Variants in PPP4R4 observed in about 807,000 individuals in gnomAD.
PPP4R4 encodes the protein serine/threonine-protein phosphatase 4 regulatory subunit 4.
A neutral mutation model predicts 121.8 loss-of-function variants in PPP4R4; 70 were observed. That is an observed-to-expected ratio of 0.57 (90% CI 0.47 to 0.70). The LOEUF (loss-of-function observed/expected upper bound fraction) is 0.70. Ranked by LOEUF, PPP4R4 falls within the 30% of genes least tolerant of loss-of-function variation. PPP4R4 has a pLI of 0.00. For synonymous variants in PPP4R4, 348 were observed against 355.7 expected, an observed-to-expected ratio of 0.98 and a Z score of 0.24; for missense variants, 875 against 1,033.6, an observed-to-expected ratio of 0.85 and a Z score of 2.10.
intron 16 of PPP4R4, among the ~76,000 whole-genome samples, chr14:94,255,821 A>T (rs1210250855): frequency 4.6e-5 from 7 of 152,060 alleles, no homozygotes; most frequent in Non-Finnish European, 8.8e-5. Flanking sequence ...TCTGCTGAAA[A>T]CCTACCAATG....
intron 23 of PPP4R4, among the ~76,000 whole-genome samples, chr14:94,268,865 A>C (rs1223389164): frequency 6.6e-6 from 1 of 152,194 alleles, no homozygotes; most frequent in African/African-American, 2.4e-5. Context: ...GGGTTATTAC[A>C]GTTCAAGGTG....
At chr14:94,241,344 G>T (rs1892624546) in intron 9 of PPP4R4, among the ~76,000 whole-genome samples, 1 of 151,954 alleles carries the variant, frequency 6.6e-6, no homozygotes, top group Admixed American at 6.6e-5. Flanking sequence ...AAAATATTTT[G>T]AATTTATTTG....
intron 13 of PPP4R4, 57 bp downstream of exon 13, chr14:94,245,727 G>A (rs1339507562): frequency 3.8e-6 from 5 of 1,302,484 alleles, no homozygotes; most frequent in Admixed American, 4.1e-5. Context: ...CTACTCTACA[G>A]GGTGTTTTGA....
chr14:94,211,617 A>G (rs1890744727), intron 3 of PPP4R4, among the ~76,000 whole-genome samples: 1 of 152,068 alleles, frequency 6.6e-6, no homozygotes, highest in Non-Finnish European at 1.5e-5. Flanking sequence ...TAGGACAGTG[A>G]AAAGTCGTTG....
chr14:94,209,503 A>G (rs1890630502), intron 3 of PPP4R4, among the ~76,000 whole-genome samples: 1 of 152,124 alleles, frequency 6.6e-6, no homozygotes, highest in Non-Finnish European at 1.5e-5. Flanking sequence ...ATGCCCACCT[A>G]TGCAGGCACT....
chr14:94,229,845 TTCTCTC>T (rs558092469), intron 3 of PPP4R4, among the ~76,000 whole-genome samples: 3 of 152,130 alleles, frequency 2.0e-5, no homozygotes, highest in African/African-American at 7.2e-5. Context: ...CACACACACT[TTCTCTC>T]TCTATCTCTC....
intron 3 of PPP4R4, among the ~76,000 whole-genome samples, chr14:94,219,510 G>A (rs370819186): frequency 6.6e-5 from 10 of 152,128 alleles, no homozygotes; most frequent in Admixed American, 5.2e-4. Flanking sequence ...AAATAGAGGA[G>A]GAGGTAAGAA....
chr14:94,278,052 A>G (rs1444653583), intron 24 of PPP4R4, among the ~76,000 whole-genome samples: 1 of 152,210 alleles, frequency 6.6e-6, no homozygotes, highest in African/African-American at 2.4e-5. Flanking sequence ...TCTGTGAAAT[A>G]GTATCCACAA....
At chr14:94,263,085 A>G (rs959011411) in intron 19 of PPP4R4, among the ~76,000 whole-genome samples, 2 of 152,050 alleles carry the variant, frequency 1.3e-5, no homozygotes, top group Non-Finnish European at 2.9e-5. Context: ...CTTTTGATGC[A>G]TCTAGGCATT....
intron 3 of PPP4R4, among the ~76,000 whole-genome samples, chr14:94,226,815 C>T (rs1956167): frequency 0.13 from 19,274 of 152,090 alleles, 1,360 homozygotes; most frequent in Admixed American, 0.21. Context: ...TTTACTAGCA[C>T]TATTCATGAT....
At chr14:94,265,934 T>G (rs767300131) in intron 22 of PPP4R4, 47 bp downstream of exon 22, 1 of 1,233,672 alleles carries the variant, frequency 8.1e-7, no homozygotes, top group Non-Finnish European at 1.1e-6. Flanking sequence ...TTTATCTTTA[T>G]TCACATCTTC....
Position 94,216,298 on chromosome 14 carries a change from A to C in PPP4R4, c.294+7732A>C, listed in dbSNP as rs942361108. 5.9e-5 allele frequency among the ~76,000 whole-genome samples: 9 copies of C among 152,216 alleles called. No homozygotes were observed. The East Asian group carries it at 1.2e-3, about 19-fold the overall frequency. ...GAGTTGGTCACCAGGCAGCCAAGTG[A>C]GCTGAATTCTCAAGAGTAACAAACC... On this transcript the variant is annotated intron_variant, in intron 3 of 24. Transcript: ENST00000304338.
At position 94,246,414 on chromosome 14, in the gene PPP4R4, G is replaced by A; in HGVS notation, c.1486G>A (p.Ala496Thr). 1 of 1,614,096 alleles carries A rather than the reference G, an allele frequency of 6.2e-7. No individual in the cohort carries two copies. Among genetic ancestry groups the A allele is most frequent in the Non-Finnish European group, 8.5e-7 (1 of 1,180,004 alleles). Residue 496 changes from alanine to threonine, a missense_variant, in exon 14 of 25, where the codon GCC becomes ACC. Ala to Thr is a moderately conservative substitution (Grantham distance 58). Transcript: ENST00000304338. ...CACAGCTGCTGAACAGCGAGCTGCAGCCTCTTTAAAATGGAGAACTCATGA... is the reference window on the plus strand; with the variant it reads ...CACAGCTGCTGAACAGCGAGCTGCAACCTCTTTAAAATGGAGAACTCATGA... ...ALTAAEQRAA[A>T]SLKWRTHEKL...
chr14:94,175,376 G>A (rs1158563755), intron 1 of PPP4R4: 2 of 151,778 alleles, frequency 1.3e-5, no homozygotes, highest in African/African-American at 4.9e-5. Context: ...TCCCCTTGAG[G>A]GGGTCAAGCT....
At chr14:94,195,961 A>G (rs1399786204) in intron 2 of PPP4R4, among the ~76,000 whole-genome samples, 1 of 151,856 alleles carries the variant, frequency 6.6e-6, no homozygotes, top group African/African-American at 2.4e-5. Flanking sequence ...CACCCTATAG[A>G]CTAGTATTAT....
chr14:94,245,637 T>C lies in PPP4R4; in HGVS notation c.1395T>C (p.Ser465=). ...TTCCAGAAATCTTGGAACTTATGTC[T>C]ACTGGTGGAGAAAGCAGTGTTCAAG... ...DHLPEILELM[S]TGGESSVQEN... Residue 465 remains serine, a synonymous_variant, in exon 13 of 25, where the codon TCT becomes TCC. Coordinates refer to ENST00000304338, the MANE Select transcript of PPP4R4 (RefSeq NM_058237.2). 6.2e-7 allele frequency: 1 copy of C among 1,600,828 alleles called. No individual in the cohort carries two copies. Among genetic ancestry groups the C allele is most frequent in the Non-Finnish European group, 8.5e-7 (1 of 1,169,762 alleles).
intron 15 of PPP4R4, among the ~76,000 whole-genome samples, chr14:94,251,390 G>A (rs1893170395): frequency 6.6e-6 from 1 of 152,036 alleles, no homozygotes; most frequent in Admixed American, 6.6e-5. Context: ...TATCTTTTAA[G>A]AGGAAGAAGT....
At chr14:94,235,528 T>G (rs1319106343) in intron 7 of PPP4R4, among the ~76,000 whole-genome samples, 1 of 150,824 alleles carries the variant, frequency 6.6e-6, no homozygotes, top group Non-Finnish European at 1.5e-5. Context: ...GCCTCCCAAG[T>G]AGCTGGGACT....
intron 2 of PPP4R4, 96 bp from the exon 3 acceptor site, chr14:94,208,368 A>AAGC: frequency 1.2e-6 from 1 of 811,052 alleles, no homozygotes; most frequent in Non-Finnish European, 1.8e-6. Context: ...TTAACATTCA[A>AAGC]AGCAGTCATT....
Sources: gnomAD v4.1 joint callset for allele counts (sites outside exome capture counted in the v4.1 genomes callset) on GRCh38, gnomAD v4.1.1 for gene constraint, MANE v1.5 for transcripts, NCBI Gene and HGNC (gene_info 2026-07-23, HGNC 2026-07-21) for gene names.